Variants in AFAP1 observed in about 807,000 individuals in gnomAD.
AFAP1 encodes the protein actin filament-associated protein 1.
AFAP1 carries 75 observed loss-of-function variants against 93.9 expected under a neutral mutation model. That is an observed-to-expected ratio of 0.80 (90% CI 0.66 to 0.97). The LOEUF is 0.97. Among genes scored for constraint, AFAP1 ranks in the 50% least tolerant of loss-of-function variants. AFAP1 has a pLI of 0.00. For missense variants in AFAP1, 1,201 were observed against 1,050.8 expected (o/e 1.14, Z -1.98); for synonymous variants, 517 against 430.7 (o/e 1.20, Z -2.48).
At chr4:7,872,605 C>T (rs990825755) in intron 1 of AFAP1, among the ~76,000 whole-genome samples, 16 of 152,152 alleles carry the variant, frequency 1.1e-4, no homozygotes, top group African/African-American at 3.9e-4. Flanking sequence ...GTGCTGAATT[C>T]CCACCATGCC....
chr4:7,771,806 G>A (rs1715476755), intron 16 of AFAP1, among the ~76,000 whole-genome samples: 1 of 152,144 alleles, frequency 6.6e-6, no homozygotes, highest in Non-Finnish European at 1.5e-5. Context: ...GCGGGAGGGA[G>A]GTTGTCCTCT....
intron 1 of AFAP1, among the ~76,000 whole-genome samples, chr4:7,884,462 A>G (rs1260799073): frequency 1.3e-5 from 2 of 152,198 alleles, no homozygotes; most frequent in East Asian, 1.9e-4. Context: ...CCTGCCAACT[A>G]TTTAAAAATA....
chr4:7,862,074 TGTA>T (rs1715767166), intron 3 of AFAP1: 1 of 152,204 alleles, frequency 6.6e-6, no homozygotes, highest in South Asian at 2.1e-4. Context: ...GGCTCACATC[TGTA>T]GTCCCCGCTA....
chr4:7,928,096 A>G (rs1242597907), intron 1 of AFAP1, among the ~76,000 whole-genome samples: 1 of 152,228 alleles, frequency 6.6e-6, no homozygotes, highest in East Asian at 1.9e-4. Flanking sequence ...ACATGGACCC[A>G]GTTCTGCTTC....
Position 7,894,519 on chromosome 4 carries a change from C to T in AFAP1, c.-2-22439G>A, listed in dbSNP as rs73795747. 7.8e-3 allele frequency among the ~76,000 whole-genome samples: 1,182 copies of T among 152,236 alleles called. 17 individuals are homozygous for T. The highest frequency in any genetic ancestry group is 0.027 in the African/African-American group (1,108 of 41,546). On this transcript the variant is annotated intron_variant, in intron 1 of 17. Transcript: ENST00000420658. ...ACAAGCCTGGTGACGGCGGCAACCC[C>T]GGGACTCTGTTAGCTATGAGAGGCC... is the stretch of plus-strand genomic sequence containing the variant.
chr4:7,792,976 GA>G (rs1718017153), intron 11 of AFAP1, among the ~76,000 whole-genome samples: 1 of 152,246 alleles, frequency 6.6e-6, no homozygotes, highest in East Asian at 1.9e-4. Context: ...CCCAACAGTG[GA>G]AAAAGGAAAC....
intron 1 of AFAP1, among the ~76,000 whole-genome samples, chr4:7,881,406 C>T (rs1717837886): frequency 6.6e-6 from 1 of 152,138 alleles, no homozygotes; most frequent in African/African-American, 2.4e-5. Context: ...GCTCACATCC[C>T]ACCTCTTGGT....
intron 8 of AFAP1, among the ~76,000 whole-genome samples, chr4:7,814,012 T>C (rs13117918): frequency 0.21 from 31,620 of 152,134 alleles, 4,290 homozygotes; most frequent in Non-Finnish European, 0.31. Flanking sequence ...GGTTTTGCAG[T>C]GGGAACTCTC....
rs538228218 is a variant in AFAP1 at position 7,760,488 on chromosome 4, C to G, written c.*3277G>C. 1.3e-5 allele frequency: 2 copies of G among 152,406 alleles called. No individual in the cohort carries two copies. Among genetic ancestry groups the G allele is most frequent in the Admixed American group, 1.3e-4 (2 of 15,316 alleles). 9.4% of individuals were successfully genotyped at this position (152,406 alleles called of 1,614,324 possible). A position where few individuals can be genotyped will look rare whatever the true frequency, so the allele number is the denominator to read the frequency against. On this transcript the variant is annotated 3_prime_UTR_variant, in exon 18 of 18. Coordinates refer to ENST00000420658, the MANE Select transcript of AFAP1 (RefSeq NM_001134647.2). Reference sequence around the variant, plus strand: ...CAGATCCACACTGGTTACCTTGCAACTGCCGTGGACTCTGGAAGCCGAGGG... The same window carrying G: ...CAGATCCACACTGGTTACCTTGCAAGTGCCGTGGACTCTGGAAGCCGAGGG...
At chr4:7,928,396 GGTTT>G (rs1720885576) in intron 1 of AFAP1, among the ~76,000 whole-genome samples, 1 of 151,894 alleles carries the variant, frequency 6.6e-6, no homozygotes, top group South Asian at 2.1e-4. Context: ...TTGTTTTTTT[GGTTT>G]TTTTTGAGAC....
chr4:7,932,959 G>A (rs1314433393), intron 1 of AFAP1, among the ~76,000 whole-genome samples: 2 of 147,100 alleles, frequency 1.4e-5, no homozygotes, highest in Non-Finnish European at 3.0e-5. Context: ...GGTGGAAGTT[G>A]TGGTGAGCCG....
chr4:7,892,889 T>C (rs546087863), intron 1 of AFAP1, among the ~76,000 whole-genome samples: 3 of 151,912 alleles, frequency 2.0e-5, no homozygotes, highest in Non-Finnish European at 2.9e-5. Flanking sequence ...CGGATGAAAA[T>C]ACCCTCCTTG....
In AFAP1 at chr4:7,939,300, C is replaced by T. The variant is rs1721586613; in HGVS notation, c.-3+356G>A. On this transcript the variant is annotated intron_variant, in intron 1 of 17. Coordinates refer to ENST00000420658, the MANE Select transcript of AFAP1 (RefSeq NM_001134647.2). The surrounding 1 kb of genome is among the most constrained non-coding windows in gnomAD (Gnocchi z 5.6). ...GGCGGAGCCTCCCACTCTTGGTGACCCGGACCCCGCCCCACGAGTGGGTCT... is the reference window on the plus strand; with the variant it reads ...GGCGGAGCCTCCCACTCTTGGTGACTCGGACCCCGCCCCACGAGTGGGTCT... 1 of 310,696 alleles carries T rather than the reference C, an allele frequency of 3.2e-6. No homozygotes were observed. The highest frequency in any genetic ancestry group is 2.4e-5 in the South Asian group (1 of 41,820). 19.2% of individuals were successfully genotyped at this position (310,696 alleles called of 1,614,324 possible). A position where few individuals can be genotyped will look rare whatever the true frequency, so the allele number is the denominator to read the frequency against.
intron 10 of AFAP1, chr4:7,798,925 C>T: frequency 1.0e-6 from 1 of 987,178 alleles, no homozygotes. Context: ...CCTCCTTCTC[C>T]TTGCAACCCT....
At chr4:7,933,641 T>C (rs1249153734) in intron 1 of AFAP1, among the ~76,000 whole-genome samples, 6 of 152,130 alleles carry the variant, frequency 3.9e-5, no homozygotes, top group Admixed American at 6.5e-5. Context: ...CCCAGGGGAA[T>C]TGGAGGGCCT....
chr4:7,859,954 C>A (rs1715483886), intron 3 of AFAP1, among the ~76,000 whole-genome samples: 2 of 152,030 alleles, frequency 1.3e-5, no homozygotes, highest in South Asian at 2.1e-4. Context: ...CCAGCCTGGG[C>A]AACATGGCAA....
At chr4:7,857,800 C>T (rs749367254) in intron 3 of AFAP1, among the ~76,000 whole-genome samples, 11 of 152,132 alleles carry the variant, frequency 7.2e-5, no homozygotes, top group African/African-American at 1.4e-4. Flanking sequence ...ATCAAACAAA[C>T]GTTTGTGAAC....
chr4:7,847,793 C>CGGGGGGGGGGG (rs10685949), intron 4 of AFAP1, among the ~76,000 whole-genome samples: 1 of 102,002 alleles, frequency 9.8e-6, no homozygotes, highest in African/African-American at 3.5e-5. Context: ...CAGGGGTACT[C>CGGGGGGGGGGG]GGGGTGGGGC....
intron 3 of AFAP1, among the ~76,000 whole-genome samples, chr4:7,863,620 A>G (rs549703379): frequency 8.5e-5 from 13 of 152,306 alleles, no homozygotes; most frequent in African/African-American, 2.6e-4. Context: ...CACTACACAC[A>G]CATCTACTCT....
Sources: allele counts gnomAD v4.1 joint callset (sites outside exome capture counted in the v4.1 genomes callset), GRCh38; gene constraint gnomAD v4.1.1; non-coding constraint Gnocchi (gnomAD v3.1); transcripts MANE v1.5; gene names NCBI Gene and HGNC (gene_info 2026-07-23, HGNC 2026-07-21).